Variants in EFCAB5 observed in about 807,000 individuals in gnomAD.
EFCAB5 encodes the protein EF-hand calcium binding domain 5.
EFCAB5 carries 131 observed loss-of-function variants against 167.9 expected under a neutral mutation model. That is an observed-to-expected ratio of 0.78 (90% CI 0.68 to 0.90). The LOEUF (loss-of-function observed/expected upper bound fraction) is 0.90. Ranked by LOEUF, EFCAB5 falls within the 40% of genes least tolerant of loss-of-function variation. The probability of loss-of-function intolerance (pLI) is 0.00; values close to 1 mark genes in which losing one functional copy is unlikely to be tolerated. For synonymous variants in EFCAB5, 574 were observed against 602.8 expected (o/e 0.95, Z 0.70); for missense variants, 1,663 against 1,745.2 (o/e 0.95, Z 0.84).
intron 14 of EFCAB5, among the ~76,000 whole-genome samples, chr17:30,063,279 G>A (rs886184668): frequency 6.6e-6 from 1 of 152,124 alleles, no homozygotes; most frequent in East Asian, 1.9e-4. Flanking sequence ...CACCGTACCT[G>A]GTCTTATAGT....
intron 12 of EFCAB5, among the ~76,000 whole-genome samples, chr17:30,056,911 A>G (rs1005043957): frequency 6.6e-6 from 1 of 152,040 alleles, no homozygotes; most frequent in Non-Finnish European, 1.5e-5. Context: ...TTACCAATAT[A>G]TGTAAAAATT....
In EFCAB5 at chr17:30,082,913, C is replaced by A. The variant is rs1420693950; in HGVS notation, c.3449C>A (p.Thr1150Asn). ...CAGGGTGTTGCTAATGTCTTTAGCA[C>A]TGCCTATCACTACGTCCACAGCCGG... is the stretch of plus-strand genomic sequence containing the variant. ...FYQGVANVFS[T>N]AYHYVHSREH... The change falls in exon 18 of 23, where the codon ACT becomes AAT. Residue 1150 changes from threonine to asparagine, a missense_variant. Transcript: ENST00000394835. 6.2e-7 allele frequency: 1 copy of A among 1,613,778 alleles called. No homozygotes were observed. The highest frequency in any genetic ancestry group is 8.5e-7 in the Non-Finnish European group (1 of 1,179,788).
chr17:29,952,407 C>T (rs989932098), intron 3 of EFCAB5, among the ~76,000 whole-genome samples: 2 of 151,984 alleles, frequency 1.3e-5, no homozygotes, highest in African/African-American at 4.8e-5. Context: ...AATTATATAC[C>T]AGAGAAACCC....
chr17:29,996,287 CT>C, intron 5 of EFCAB5, 24 bp from the exon 6 acceptor site: 2 of 1,537,820 alleles, frequency 1.3e-6, no homozygotes, highest in South Asian at 1.2e-5. Context: ...TGGTTTCTTT[CT>C]TTTTTTCCTC....
intron 14 of EFCAB5, among the ~76,000 whole-genome samples, chr17:30,070,666 C>T (rs773361240): frequency 5.3e-5 from 8 of 151,996 alleles, no homozygotes; most frequent in East Asian, 1.9e-4. Context: ...CCCTATCTCT[C>T]GGGCCAGGCA....
intron 18 of EFCAB5, 29 bp downstream of exon 18, chr17:30,083,072 C>T (rs2071021783): frequency 6.2e-7 from 1 of 1,601,908 alleles, no homozygotes; most frequent in African/African-American, 1.3e-5. Context: ...TGGTAGATCT[C>T]TCCAAGGTAG....
At chr17:30,020,495 G>A (rs1366331677) in intron 7 of EFCAB5, among the ~76,000 whole-genome samples, 1 of 151,594 alleles carries the variant, frequency 6.6e-6, no homozygotes, top group Non-Finnish European at 1.5e-5. Flanking sequence ...CTCCCGAGTA[G>A]CTGGGATTAC....
At chr17:30,095,841 C>T (rs991878587) in intron 22 of EFCAB5, among the ~76,000 whole-genome samples, 6 of 152,200 alleles carry the variant, frequency 3.9e-5, no homozygotes, top group African/African-American at 1.2e-4. Flanking sequence ...AATTACAGTT[C>T]TCTGCAGTCT....
At chr17:29,959,193 C>T (rs1450881783) in intron 3 of EFCAB5, among the ~76,000 whole-genome samples, 2 of 152,000 alleles carry the variant, frequency 1.3e-5, no homozygotes, top group Non-Finnish European at 2.9e-5. Flanking sequence ...GCTCTTTAGT[C>T]AGCAGCTAGT....
intron 7 of EFCAB5, among the ~76,000 whole-genome samples, chr17:30,026,047 A>G (rs1232764695): frequency 1.3e-5 from 2 of 151,936 alleles, no homozygotes; most frequent in Non-Finnish European, 2.9e-5. Flanking sequence ...GAGGGATAGC[A>G]TTAGGAGATA....
At position 30,062,036 on chromosome 17, in the gene EFCAB5, CT is replaced by C. The variant is rs2070439137; in HGVS notation, c.2737+2339del. On this transcript the variant is annotated intron_variant, in intron 14 of 22. Transcript: ENST00000394835. Reference sequence around the variant, plus strand: ...TAGCTATTAACATTCTTGGCTATGCCTTTTAATTTTCTATTTAAATGACGAA... The same window carrying C: ...TAGCTATTAACATTCTTGGCTATGCCTTTAATTTTCTATTTAAATGACGAA... Among the ~76,000 whole-genome samples the C allele has an allele frequency of 3.3e-5, 5 of 152,136 alleles. No homozygotes were observed. In the South Asian group the frequency reaches 1.0e-3, roughly 31 times the overall value.
At chr17:29,944,318 C>A (rs767005669) in intron 3 of EFCAB5, among the ~76,000 whole-genome samples, 1 of 151,950 alleles carries the variant, frequency 6.6e-6, no homozygotes, top group African/African-American at 2.4e-5. Context: ...TGGACTCAGG[C>A]GATCCTCCTG....
At chr17:29,989,028 A>G (rs966140791) in intron 4 of EFCAB5, among the ~76,000 whole-genome samples, 2 of 152,178 alleles carry the variant, frequency 1.3e-5, no homozygotes, top group African/African-American at 4.8e-5. Flanking sequence ...AATCTCCTCT[A>G]AGGATAGAAA....
rs2071474081 is a variant in EFCAB5, at chr17:30,108,111, G to A, written c.*87G>A. The A allele has an allele frequency of 2.8e-6, 4 of 1,406,638 alleles. No individual in the cohort carries two copies. Among genetic ancestry groups the A allele is most frequent in the Admixed American group, 2.5e-5 (1 of 40,494 alleles). The allele number at this position is 1,406,638 out of a possible 1,614,324, so 87.1% of individuals were successfully genotyped here. On this transcript the variant is annotated 3_prime_UTR_variant, in exon 23 of 23. Transcript: ENST00000394835. ...TGTTAACTATAAAATATTTTCCATT[G>A]GAAAGGGGTACCTATAAATGTCTTC...
At chr17:30,055,741 T>C (rs1217157477) in intron 10 of EFCAB5, 147 bp from the exon 11 acceptor site, 13 of 743,918 alleles carry the variant, frequency 1.7e-5, no homozygotes, top group Admixed American at 3.1e-5. Context: ...GACTTCACTG[T>C]GGTCGATTGC....
chr17:30,060,354 T>C (rs2070393624), intron 14 of EFCAB5, among the ~76,000 whole-genome samples: 1 of 152,202 alleles, frequency 6.6e-6, no homozygotes, highest in Non-Finnish European at 1.5e-5. Flanking sequence ...TAACTTCTTA[T>C]TCTCCTTAGT....
intron 7 of EFCAB5, among the ~76,000 whole-genome samples, chr17:30,028,708 C>T (rs532246687): frequency 1.4e-4 from 22 of 152,170 alleles, no homozygotes; most frequent in African/African-American, 5.1e-4. Flanking sequence ...TTTAAACAAC[C>T]GAAATTTAAT....
chr17:30,028,294 T>A (rs753130539), intron 7 of EFCAB5, among the ~76,000 whole-genome samples: 4 of 152,234 alleles, frequency 2.6e-5, no homozygotes, highest in Non-Finnish European at 5.9e-5. Flanking sequence ...TTTCCTTTAA[T>A]ATACTCTAAT....
At chr17:30,064,177 AAATT>A in intron 14 of EFCAB5, among the ~76,000 whole-genome samples, 1 of 152,348 alleles carries the variant, frequency 6.6e-6, no homozygotes, top group South Asian at 2.1e-4. Context: ...GAAGAAAAGG[AAATT>A]AATTAATTGC....
Sources: allele counts gnomAD v4.1 joint callset (sites outside exome capture counted in the v4.1 genomes callset), GRCh38; gene constraint gnomAD v4.1.1; transcripts MANE v1.5; gene names NCBI Gene and HGNC (gene_info 2026-07-23, HGNC 2026-07-21).